The following CLVS1 variants were observed in gnomAD, a reference collection of about 807,000 sequenced individuals.
The protein encoded by CLVS1 is clavesin 1, also known as clavesin-1.
CLVS1 carries 10 observed loss-of-function variants against 33.1 expected under a neutral mutation model. The observed-to-expected ratio is 0.30, with a 90% CI of 0.19 to 0.51. The LOEUF is 0.51. Ranked by LOEUF, CLVS1 falls within the 20% of genes least tolerant of loss-of-function variation. The probability of loss-of-function intolerance (pLI) is 0.97; values close to 1 mark genes in which losing one functional copy is unlikely to be tolerated. For synonymous variants in CLVS1, 163 were observed against 166.1 expected (o/e 0.98, Z 0.14); for missense variants, 343 against 433.4 (o/e 0.79, Z 1.85).
intron 3 of CLVS1, among the ~76,000 whole-genome samples, chr8:61,417,740 C>A (rs568567023): frequency 6.6e-6 from 1 of 152,202 alleles, no homozygotes; most frequent in African/African-American, 2.4e-5. Context: ...AAGAGTCACC[C>A]TTAACCTACT....
At chr8:61,201,079 C>T (rs1232491933) in intron 2 of CLVS1, among the ~76,000 whole-genome samples, 1 of 152,136 alleles carries the variant, frequency 6.6e-6, no homozygotes, top group Non-Finnish European at 1.5e-5. Context: ...TCATTTGCCC[C>T]TATAACTCAC....
chr8:61,475,329 T>C (rs188231735), intron 5 of CLVS1, among the ~76,000 whole-genome samples: 138 of 152,312 alleles, frequency 9.1e-4, no homozygotes, highest in Non-Finnish European at 1.4e-3. Context: ...GATGGCTGGG[T>C]CAAATGGTAT....
intron 2 of CLVS1, among the ~76,000 whole-genome samples, chr8:61,153,336 C>T (rs1287715044): frequency 1.3e-5 from 2 of 152,130 alleles, no homozygotes; most frequent in African/African-American, 2.4e-5. Context: ...CAAGAAGCTG[C>T]AATTAAAATT....
intron 2 of CLVS1, among the ~76,000 whole-genome samples, chr8:61,358,454 C>G (rs1362306256): frequency 2.0e-5 from 3 of 152,206 alleles, no homozygotes; most frequent in Non-Finnish European, 2.9e-5. Context: ...TTTATTCTAT[C>G]TCTCTGAACT....
chr8:61,295,581 T>C (rs1217720189), intron 1 of CLVS1, among the ~76,000 whole-genome samples: 1 of 152,148 alleles, frequency 6.6e-6, no homozygotes, highest in African/African-American at 2.4e-5. Context: ...GAAAGGAATT[T>C]TAGGGAACCA....
chr8:61,042,434 T>A, the CLVS1 span, among the ~76,000 whole-genome samples: 19 of 152,314 alleles, frequency 1.2e-4, no homozygotes, highest in African/African-American at 4.3e-4. Context: ...TATCAGGAAC[T>A]AGGTGGCTTA....
chr8:61,485,925 C>T (rs909637095), intron 5 of CLVS1, among the ~76,000 whole-genome samples: 5 of 151,606 alleles, frequency 3.3e-5, no homozygotes, highest in Admixed American at 6.6e-5. Flanking sequence ...TGGTGGGGAA[C>T]ATCACACACT....
the CLVS1 span, among the ~76,000 whole-genome samples, chr8:60,982,206 A>G: frequency 1.3e-5 from 2 of 152,226 alleles, no homozygotes; most frequent in Non-Finnish European, 1.5e-5. Flanking sequence ...AATAATTTTA[A>G]TTTAATTAAT....
intron 2 of CLVS1, among the ~76,000 whole-genome samples, chr8:61,210,221 G>GT (rs913178335): frequency 6.6e-6 from 1 of 152,188 alleles, no homozygotes; most frequent in Non-Finnish European, 1.5e-5. Context: ...TAATGACTGG[G>GT]TTAGTGTTCT....
At chr8:61,189,530 C>A (rs969935004) in intron 2 of CLVS1, among the ~76,000 whole-genome samples, 5 of 152,076 alleles carry the variant, frequency 3.3e-5, no homozygotes, top group Admixed American at 6.6e-5. Flanking sequence ...ACAATATAAC[C>A]TTAAATGTAA....
intron 1 of CLVS1, among the ~76,000 whole-genome samples, chr8:61,110,986 G>T (rs951157301): frequency 1.3e-5 from 2 of 152,154 alleles, no homozygotes; most frequent in African/African-American, 2.4e-5. Context: ...TGTGGATAAT[G>T]TTGCTATGAA....
rs568731787 is a variant in CLVS1 at position 61,390,875 on chromosome 8, A to T, written c.630+14096A>T. 9.2e-5 allele frequency: 14 copies of T among 152,318 alleles called. No individual in the cohort carries two copies. The South Asian group carries it at 2.1e-3, about 23-fold the overall frequency. The allele number at this position is 152,318 out of a possible 1,614,324, so 9.4% of individuals were successfully genotyped here. Reference sequence around the variant, plus strand: ...TTTGCTGTTCTTTTTAAAAGCAGTTAAAAAAGCTTATATAATCAAGTCTGT... The same window carrying T: ...TTTGCTGTTCTTTTTAAAAGCAGTTTAAAAAGCTTATATAATCAAGTCTGT... On this transcript the variant is annotated intron_variant, in intron 3 of 5. Coordinates refer to ENST00000325897, the MANE Select transcript of CLVS1 (RefSeq NM_173519.3).
At chr8:61,160,676 A>G (rs531465402) in intron 2 of CLVS1, among the ~76,000 whole-genome samples, 1 of 152,222 alleles carries the variant, frequency 6.6e-6, no homozygotes, top group African/African-American at 2.4e-5. Context: ...GAAATAAATG[A>G]CTTTTTTTGG....
At chr8:61,339,572 G>A (rs779143411) in intron 2 of CLVS1, among the ~76,000 whole-genome samples, 6 of 152,118 alleles carry the variant, frequency 3.9e-5, no homozygotes, top group Admixed American at 6.5e-5. Flanking sequence ...CTGTGCCCAA[G>A]GGGACCCCTG....
intron 2 of CLVS1, among the ~76,000 whole-genome samples, chr8:61,268,172 C>T (rs1333122340): frequency 7.4e-6 from 1 of 134,840 alleles, no homozygotes; most frequent in African/African-American, 2.8e-5. Flanking sequence ...CCCCCTCCCC[C>T]CACCCCACAA....
At chr8:61,140,845 C>T (rs1697429324) in intron 2 of CLVS1, among the ~76,000 whole-genome samples, 1 of 152,168 alleles carries the variant, frequency 6.6e-6, no homozygotes, top group Non-Finnish European at 1.5e-5. Context: ...GGATTACAGG[C>T]GTGAGCCACC....
At chr8:61,278,632 GT>G (rs1809609416) in intron 2 of CLVS1, among the ~76,000 whole-genome samples, 1 of 152,230 alleles carries the variant, frequency 6.6e-6, no homozygotes, top group South Asian at 2.1e-4. Context: ...ATTAATGTGT[GT>G]GTGTATAGAT....
At chr8:61,357,688 G>T (rs1259347929) in intron 2 of CLVS1, among the ~76,000 whole-genome samples, 1 of 151,064 alleles carries the variant, frequency 6.6e-6, no homozygotes, top group Non-Finnish European at 1.5e-5. Flanking sequence ...TGTATTTTTA[G>T]TAGAGACAGG....
intron 2 of CLVS1, among the ~76,000 whole-genome samples, chr8:61,226,695 T>A (rs1040579632): frequency 6.6e-6 from 1 of 152,192 alleles, no homozygotes; most frequent in Non-Finnish European, 1.5e-5. Flanking sequence ...TGATTTAAGA[T>A]CAAAATCATC....
Sources: allele counts gnomAD v4.1 joint callset (sites outside exome capture counted in the v4.1 genomes callset), GRCh38; gene constraint gnomAD v4.1.1; transcripts MANE v1.5; gene names NCBI Gene and HGNC (gene_info 2026-07-23, HGNC 2026-07-21).